Variants in GRIK3 observed in about 807,000 individuals in gnomAD.
GRIK3 encodes the protein glutamate ionotropic receptor kainate type subunit 3.
A neutral mutation model predicts 102.5 loss-of-function variants in GRIK3; 29 were observed. That is an observed-to-expected ratio of 0.28 (90% confidence interval 0.21 to 0.39). The LOEUF (loss-of-function observed/expected upper bound fraction) is 0.39. GRIK3 is among the 10% of genes least tolerant of loss of function. The pLI is 1.00. For synonymous variants in GRIK3, 511 were observed against 504.9 expected, an observed-to-expected ratio of 1.01 and a Z score of -0.16; for missense variants, 908 against 1,252.4, an observed-to-expected ratio of 0.73 and a Z score of 4.15.
rs1047209453 is a variant in GRIK3 at position 36,798,147 on chromosome 1, A to G, written c.*3704T>C. The stretch of plus-strand genomic sequence containing the variant: ...ACGCTTTCAGGATTTTCTTCTGTCC[A>G]GAGCAGAGAAACCAGCAGCAGGACA... On this transcript the variant is annotated 3_prime_UTR_variant, in exon 16 of 16. Coordinates refer to ENST00000373091, the MANE Select transcript of GRIK3 (RefSeq NM_000831.4). 8 of 152,368 alleles carry G rather than the reference A, an allele frequency of 5.3e-5. No homozygotes were observed. The highest frequency in any genetic ancestry group is 1.7e-4 in the African/African-American group (7 of 41,456). The allele number at this position is 152,368 out of a possible 1,614,324, so 9.4% of individuals were successfully genotyped here. A position where few individuals can be genotyped will look rare whatever the true frequency, so the allele number is the denominator to read the frequency against.
chr1:36,824,086 G>A (rs1299231616), intron 11 of GRIK3, among the ~76,000 whole-genome samples: 1 of 152,074 alleles, frequency 6.6e-6, no homozygotes, highest in Non-Finnish European at 1.5e-5. Flanking sequence ...TATCATTACA[G>A]CAGCTCTAGG....
chr1:36,870,823 A>G (rs1458396986), intron 4 of GRIK3, among the ~76,000 whole-genome samples: 3 of 151,894 alleles, frequency 2.0e-5, no homozygotes, highest in Non-Finnish European at 4.4e-5. Flanking sequence ...CAGTGTGGTG[A>G]TAAATGAGGA....
intron 1 of GRIK3, among the ~76,000 whole-genome samples, chr1:36,959,178 TG>T: frequency 7.7e-6 from 1 of 130,316 alleles, no homozygotes; most frequent in South Asian, 2.8e-4. Flanking sequence ...GTGTGTCCCA[TG>T]ACTCTGTGTC....
rs544607841 is a variant in GRIK3 at position 36,979,321 on chromosome 1, TG to T, written c.115+54672del. Among the ~76,000 whole-genome samples the T allele has an allele frequency of 5.7e-3, 870 of 152,374 alleles. 12 individuals are homozygous for T. Among genetic ancestry groups the T allele is most frequent in the African/African-American group, 0.02 (830 of 41,588 alleles). On this transcript the variant is annotated intron_variant, in intron 1 of 15. Transcript: ENST00000373091. ...ATGAACCAACAGGCCAGGTCTTACC[TG>T]TGGTTGGGGATTGGTGTCCAGTTCT...
intron 1 of GRIK3, among the ~76,000 whole-genome samples, chr1:37,020,075 C>T (rs1368429706): frequency 6.6e-6 from 1 of 152,208 alleles, no homozygotes; most frequent in African/African-American, 2.4e-5. Flanking sequence ...TTCACCTTCT[C>T]TGGTCCTTTG....
chr1:37,017,096 T>G (rs1199537236), intron 1 of GRIK3, among the ~76,000 whole-genome samples: 1 of 151,518 alleles, frequency 6.6e-6, no homozygotes, highest in Non-Finnish European at 1.5e-5. Flanking sequence ...ACACCTGTAG[T>G]CCCAGCTACT....
intron 1 of GRIK3, among the ~76,000 whole-genome samples, chr1:37,013,431 T>C (rs1642618249): frequency 6.6e-6 from 1 of 152,214 alleles, no homozygotes; most frequent in Non-Finnish European, 1.5e-5. Context: ...TGTATGCCCT[T>C]CCTTCAGATG....
rs551791594 is a variant in GRIK3 at position 36,911,254 on chromosome 1, G to C, written c.116-20158C>G. ...CAACATGACCCCAGTGTTTGAATGA[G>C]GATGAGGTTCAGCTAAGCATGTGGG... On this transcript the variant is annotated intron_variant, in intron 1 of 15. Transcript: ENST00000373091. Among the ~76,000 whole-genome samples, 16 of 152,224 alleles carry C rather than the reference G, an allele frequency of 1.1e-4. No homozygotes were observed. In the South Asian group the frequency reaches 3.3e-3, roughly 32 times the overall value.
intron 7 of GRIK3, among the ~76,000 whole-genome samples, chr1:36,857,002 AG>A (rs1454668091): frequency 3.9e-5 from 6 of 152,334 alleles, no homozygotes; most frequent in Admixed American, 3.9e-4. Flanking sequence ...CGTTGTCCCT[AG>A]TGCGACACAC....
chr1:36,882,558 C>G (rs1380601859), intron 2 of GRIK3, among the ~76,000 whole-genome samples: 1 of 152,180 alleles, frequency 6.6e-6, no homozygotes, highest in Non-Finnish European at 1.5e-5. Flanking sequence ...ACTGTCAACC[C>G]ATTGGTGCAG....
At chr1:36,948,385 T>A (rs897892194) in intron 1 of GRIK3, among the ~76,000 whole-genome samples, 1 of 152,176 alleles carries the variant, frequency 6.6e-6, no homozygotes, top group African/African-American at 2.4e-5. Context: ...CTGATCTGAG[T>A]TGGCTGAAGC....
At chr1:36,913,367 G>C (rs1641367420) in intron 1 of GRIK3, among the ~76,000 whole-genome samples, 1 of 152,060 alleles carries the variant, frequency 6.6e-6, no homozygotes, top group Admixed American at 6.5e-5. Flanking sequence ...GCGAGGGTCA[G>C]GGGAGCAAGA....
chr1:36,820,960 T>C (rs1022177011), intron 11 of GRIK3, among the ~76,000 whole-genome samples: 1 of 152,118 alleles, frequency 6.6e-6, no homozygotes, highest in Admixed American at 6.5e-5. Context: ...GGGGGGACCC[T>C]AGAAAAAGTC....
At chr1:36,910,914 G>A (rs1458880857) in intron 1 of GRIK3, among the ~76,000 whole-genome samples, 2 of 152,302 alleles carry the variant, frequency 1.3e-5, no homozygotes, top group South Asian at 2.1e-4. Flanking sequence ...AACTCAAAAC[G>A]CTGTCAAGGT....
chr1:36,853,506 C>G (rs764792289), intron 8 of GRIK3, 109 bp downstream of exon 8: 6 of 710,596 alleles, frequency 8.4e-6, no homozygotes, highest in Non-Finnish European at 1.5e-5. Context: ...TGAGGGGCAG[C>G]TGGACTGTGT....
chr1:36,958,780 A>AGC (rs1271501129), intron 1 of GRIK3, among the ~76,000 whole-genome samples: 5 of 78,606 alleles, frequency 6.4e-5, no homozygotes, highest in Admixed American at 1.4e-4. Context: ...GTGCCCTGTG[A>AGC]CTGTGTGCCC....
intron 1 of GRIK3, among the ~76,000 whole-genome samples, chr1:36,941,584 TC>T (rs1490174540): frequency 6.6e-6 from 1 of 151,972 alleles, no homozygotes; most frequent in Non-Finnish European, 1.5e-5. Context: ...AAGGCGCCCC[TC>T]CCACCGTGGC....
Position 36,801,570 on chromosome 1 carries a change from C to T in GRIK3, c.*281G>A. On this transcript the variant is annotated 3_prime_UTR_variant, in exon 16 of 16. Transcript: ENST00000373091. ...CTGACTCTGGAGGAGAGTTGAGGGG[C>T]AGGTGAGTTTGGCCTGAGAGAGGCA... 3.1e-6 allele frequency: 1 copy of T among 322,274 alleles called. No individual in the cohort carries two copies. The highest frequency in any genetic ancestry group is 5.7e-6 in the Non-Finnish European group (1 of 176,220). 20.0% of individuals were successfully genotyped at this position (322,274 alleles called of 1,614,324 possible). A position where few individuals can be genotyped will look rare whatever the true frequency, so the allele number is the denominator to read the frequency against.
chr1:37,019,679 G>A (rs544942330), intron 1 of GRIK3, among the ~76,000 whole-genome samples: 1 of 152,250 alleles, frequency 6.6e-6, no homozygotes, highest in East Asian at 1.9e-4. Flanking sequence ...CTCCATAAAT[G>A]TTTGGTGAAT....
Sources: allele counts gnomAD v4.1 joint callset (sites outside exome capture counted in the v4.1 genomes callset), GRCh38; gene constraint gnomAD v4.1.1; transcripts MANE v1.5; gene names NCBI Gene and HGNC (gene_info 2026-07-23, HGNC 2026-07-21).